The following ARR3 variants were observed in gnomAD, a reference collection of about 807,000 sequenced individuals.
ARR3 encodes arrestin-C.
A neutral mutation model predicts 35.4 loss-of-function variants in ARR3; 14 were observed. The observed-to-expected ratio is 0.40, with a 90% CI of 0.26 to 0.62. ARR3 has a LOEUF of 0.62. ARR3 is among the 20% of genes least tolerant of loss of function. The pLI is 0.46. For synonymous variants in ARR3, 97 were observed against 119.1 expected (o/e 0.81, Z 1.21); for missense variants, 259 against 303.8 (o/e 0.85, Z 1.10).
At chrX:70,270,077 G>GCTGT (rs755148106) in intron 4 of ARR3, 23 bp from the exon 5 acceptor site, 51 of 1,208,814 alleles carry the variant, frequency 4.2e-5, no homozygotes, top group Non-Finnish European at 5.4e-5. Flanking sequence ...TGACCAAAGT[G>GCTGT]CTGTCTGTCC....
rs1277423835 is a variant in ARR3 at position 70,276,221 on chromosome X, A to G, written c.285A>G (p.Thr95=). ...CCAGCAGCCCTCAGGGGCCCCTCACAGTCCTACAGGAGCGACTACTGCACA... is the reference window on the plus strand; with the variant it reads ...CCAGCAGCCCTCAGGGGCCCCTCACGGTCCTACAGGAGCGACTACTGCACA... ...AESSSPQGPL[T]VLQERLLHKL... The change falls in exon 6 of 17, where the codon ACA becomes ACG. Residue 95 remains threonine, a synonymous_variant. Transcript: ENST00000307959. 1 of 1,210,141 alleles carries G rather than the reference A, an allele frequency of 8.3e-7. No individual in the cohort carries two copies. Among genetic ancestry groups the G allele is most frequent in the Admixed American group, 2.2e-5 (1 of 45,849 alleles).
chrX:70,270,085 T>C lies in ARR3; in HGVS notation c.101-15T>C, dbSNP rs1458357009. On this transcript the variant is annotated splice_polypyrimidine_tract_variant and intron_variant, in intron 4 of 16. Transcript: ENST00000307959. ...TTTTTCCTGACCAAAGTGCTGTCTG[T>C]CCTTCTCTCCACAGACGGTGTTGTC... 1.3e-5 allele frequency: 16 copies of C among 1,211,452 alleles called. No homozygotes were observed. The highest frequency in any genetic ancestry group is 1.8e-5 in the Non-Finnish European group (16 of 894,825).
chrX:70,268,748 A>G (rs1181130850), intron 1 of ARR3, among the ~76,000 whole-genome samples: 1 of 112,250 alleles, frequency 8.9e-6, no homozygotes, highest in Non-Finnish European at 1.9e-5. Flanking sequence ...AAAAACTGAG[A>G]GCATGAAGGC....
At chrX:70,278,734 GCCTA>G (rs955757189) in intron 12 of ARR3, 93 bp downstream of exon 12, 52 of 1,083,807 alleles carry the variant, frequency 4.8e-5, no homozygotes, top group African/African-American at 1.9e-4. Flanking sequence ...GTTCAGTAAA[GCCTA>G]CCTGTTTTTT....
chrX:70,270,242 T>G, intron 5 of ARR3, 98 bp downstream of exon 5: 1 of 918,625 alleles, frequency 1.1e-6, no homozygotes, highest in Admixed American at 2.3e-5. Flanking sequence ...TGGCAGGAAC[T>G]GCGAATGCCT....
chrX:70,272,058 T>C (rs954062057), intron 5 of ARR3, among the ~76,000 whole-genome samples: 5 of 109,591 alleles, frequency 4.6e-5, no homozygotes, highest in Non-Finnish European at 1.9e-5. Flanking sequence ...CGTCCTTACC[T>C]CAGGTGCTAC....
chrX:70,275,347 G>A (rs1179804588), intron 5 of ARR3, among the ~76,000 whole-genome samples: 3 of 111,982 alleles, frequency 2.7e-5, no homozygotes, highest in African/African-American at 9.7e-5. Context: ...GATTACTCAC[G>A]AGACTAAACA....
chrX:70,269,292 G>C, intron 1 of ARR3, 64 bp from the exon 2 acceptor site: 1 of 1,130,385 alleles, frequency 8.8e-7, no homozygotes, highest in Non-Finnish European at 1.2e-6. Context: ...TGGATGGTAT[G>C]CTGGAGTGGG....
chrX:70,277,918 C>A, intron 10 of ARR3, 118 bp downstream of exon 10: 1 of 877,104 alleles, frequency 1.1e-6, no homozygotes, highest in East Asian at 3.4e-5. Context: ...ATGGGCTTGT[C>A]AAAATGCATA....
At chrX:70,281,006 G>GGA in intron 15 of ARR3, 93 bp from the exon 16 acceptor site, 2 of 972,530 alleles carry the variant, frequency 2.1e-6, no homozygotes, top group Non-Finnish European at 1.4e-6. Context: ...GGAAGTTGGG[G>GGA]GGGGGGGAAG....
chrX:70,276,746 G>C lies in ARR3; in HGVS notation c.473+10G>C. 8.3e-7 allele frequency: 1 copy of C among 1,204,700 alleles called. No individual in the cohort carries two copies. Among genetic ancestry groups the C allele is most frequent in the Non-Finnish European group, 1.1e-6 (1 of 889,995 alleles). ...AGACAGTCTCCAAGAGGTATTCTTTGGTTGTCCCCAAAAATCCCTGCCTCC... is the reference window on the plus strand; with the variant it reads ...AGACAGTCTCCAAGAGGTATTCTTTCGTTGTCCCCAAAAATCCCTGCCTCC... On this transcript the variant is annotated intron_variant, in intron 8 of 16. Coordinates refer to ENST00000307959, the MANE Select transcript of ARR3 (RefSeq NM_004312.3).
chrX:70,277,133 T>C (rs2085656815), intron 8 of ARR3, among the ~76,000 whole-genome samples: 1 of 113,068 alleles, frequency 8.8e-6, no homozygotes, highest in Admixed American at 9.3e-5. Flanking sequence ...CTTTGATTTA[T>C]TTCAACCATT....
At chrX:70,269,426 A>G (rs1276666472) in intron 2 of ARR3, 33 bp downstream of exon 2, 1 of 1,142,688 alleles carries the variant, frequency 8.8e-7, no homozygotes, top group Non-Finnish European at 1.2e-6. Flanking sequence ...TGAACCTGTG[A>G]ATTGCTCCCT....
At position 70,280,274 on chromosome X, in the gene ARR3, G is replaced by A. The variant is rs746801305; in HGVS notation, c.985G>A (p.Gly329Ser). The change falls in exon 13 of 17, where the codon GGT becomes AGT. Residue 329 changes from glycine (G) to serine (S), a missense_variant. Coordinates refer to ENST00000307959, the MANE Select transcript of ARR3 (RefSeq NM_004312.3). ...KVRVNLMVSCGGILGDLTASD... is the reference protein window; with the variant it reads ...KVRVNLMVSCSGILGDLTASD... ...CAGAGTCAACCTGATGGTGTCCTGT[G>A]GTGGGTAAGTGAGGGTTCTGGGTCT... 8.3e-7 allele frequency: 1 copy of A among 1,207,556 alleles called. No individual in the cohort carries two copies. The highest frequency in any genetic ancestry group is 1.1e-6 in the Non-Finnish European group (1 of 893,356).
intron 15 of ARR3, 85 bp downstream of exon 15, chrX:70,280,903 C>T: frequency 8.9e-7 from 1 of 1,126,894 alleles, no homozygotes; most frequent in Non-Finnish European, 1.2e-6. Context: ...TGGAGACTAG[C>T]AGTTTGCCTG....
intron 5 of ARR3, among the ~76,000 whole-genome samples, chrX:70,272,125 T>G (rs1282587351): frequency 1.8e-5 from 2 of 109,593 alleles, no homozygotes; most frequent in African/African-American, 6.6e-5. Context: ...TTCCTCATCT[T>G]TTTCATTTCT....
intron 11 of ARR3, 97 bp downstream of exon 11, chrX:70,278,235 T>A: frequency 1.2e-6 from 1 of 806,040 alleles, no homozygotes; most frequent in Non-Finnish European, 1.8e-6. Context: ...GGGAGAAGAG[T>A]GGTGGAAGAT....
At position 70,280,351 on chromosome X, in the gene ARR3, A is replaced by G. The variant is rs2085674433; in HGVS notation, c.989+73A>G. 2.8e-6 allele frequency: 3 copies of G among 1,067,130 alleles called. No homozygotes were observed. In the Admixed American group the frequency reaches 7.1e-5, roughly 25 times the overall value. The allele number at this position is 1,067,130 out of a possible 1,213,427, so 87.9% of individuals were successfully genotyped here. A position where few individuals can be genotyped will look rare whatever the true frequency, so the allele number is the denominator to read the frequency against. On this transcript the variant is annotated intron_variant, in intron 13 of 16. Transcript: ENST00000307959. ...GGCTTTTCGCCTCTGTTTTTCTCCC[A>G]GTTAGATTGACCCAATCAAACCATT...
rs139742233 is a variant in ARR3 at position 70,278,138 on chromosome X, C to G, written c.767C>G (p.Thr256Arg). ...AAGACTGTGTTCATTCAGGAATTCA[C>G]GTGAGCTGGTGCTGGGGCTAGGACC... ...YTKTVFIQEFTETVAANSSFS... is the reference protein window; with the variant it reads ...YTKTVFIQEFRETVAANSSFS... Residue 256 changes from threonine (T) to arginine (R), a missense_variant and splice_region_variant, in exon 11 of 17, where the codon ACG (threonine) becomes AGG (arginine). Thr to Arg is a moderately conservative substitution (Grantham distance 71). Transcript: ENST00000307959. 23 of 1,201,067 alleles carry G rather than the reference C, an allele frequency of 1.9e-5. No individual in the cohort carries two copies. In the African/African-American group the frequency reaches 3.8e-4, roughly 20 times the overall value.
Sources: gnomAD v4.1 joint callset for allele counts (sites outside exome capture counted in the v4.1 genomes callset) on GRCh38, gnomAD v4.1.1 for gene constraint, MANE v1.5 for transcripts, NCBI Gene and HGNC (gene_info 2026-07-23, HGNC 2026-07-21) for gene names.